The following MRM1 variants were observed in gnomAD, a reference collection of about 807,000 sequenced individuals.
MRM1 encodes the protein rRNA methyltransferase 1, mitochondrial.
MRM1 carries 24 observed loss-of-function variants against 25.0 expected under a neutral mutation model. That is an observed-to-expected ratio of 0.96 (90% CI 0.69 to 1.35). MRM1 has a LOEUF of 1.35. Among genes scored for constraint, MRM1 ranks in the 40% most tolerant of loss-of-function variants. MRM1 has a pLI of 0.00. For synonymous variants in MRM1, 188 were observed against 199.2 expected, an observed-to-expected ratio of 0.94 and a Z score of 0.47; for missense variants, 431 against 464.1, an observed-to-expected ratio of 0.93 and a Z score of 0.65.
chr17:36,617,415 C>T, the MRM1 span, among the ~76,000 whole-genome samples: 2 of 137,682 alleles, frequency 1.5e-5, no homozygotes, highest in South Asian at 2.3e-4. Context: ...TTTTTTGAGA[C>T]GGAATCTCGC....
downstream of MRM1, among the ~76,000 whole-genome samples, chr17:36,609,126 A>G (rs2074958319): frequency 6.6e-6 from 1 of 152,174 alleles, no homozygotes; most frequent in Non-Finnish European, 1.5e-5. Context: ...GGGGCCCCCC[A>G]CGGGTGACTG....
At chr17:36,621,753 G>A in the MRM1 span, among the ~76,000 whole-genome samples, 8 of 152,318 alleles carry the variant, frequency 5.3e-5, no homozygotes, top group African/African-American at 1.9e-4. Flanking sequence ...TTGGCAGGTG[G>A]CATGGAGGGC....
At position 36,608,675 on chromosome 17, in the gene MRM1, C is replaced by A; in HGVS notation, c.*260C>A. The A allele has an allele frequency of 2.6e-6, 1 of 391,984 alleles. No individual in the cohort carries two copies. The highest frequency in any genetic ancestry group is 4.5e-6 in the Non-Finnish European group (1 of 222,000). The allele number at this position is 391,984 out of a possible 1,614,324, so 24.3% of individuals were successfully genotyped here. A position where few individuals can be genotyped will look rare whatever the true frequency, so the allele number is the denominator to read the frequency against. On this transcript the variant is annotated 3_prime_UTR_variant, in exon 5 of 5. Transcript: ENST00000614766. The stretch of plus-strand genomic sequence containing the variant: ...TGGCCTAGCATGGAGGGAATCTGTT[C>A]CCAGGCCCTGCCTGGAAGTTGAGGG...
At chr17:36,631,565 T>C in the MRM1 span, among the ~76,000 whole-genome samples, 1 of 152,180 alleles carries the variant, frequency 6.6e-6, no homozygotes, top group Non-Finnish European at 1.5e-5. Context: ...TTGAATGAGA[T>C]CACACACACA....
At position 36,608,338 on chromosome 17, in the gene MRM1, AG is replaced by A. The variant is rs755972269; in HGVS notation, c.987del (p.Arg329SerfsTer64). 1 of 1,611,320 alleles carries A rather than the reference AG, an allele frequency of 6.2e-7. No homozygotes were observed. Among genetic ancestry groups the A allele is most frequent in the South Asian group, 1.1e-5 (1 of 90,782 alleles). On this transcript the variant is annotated frameshift_variant, in exon 5 of 5. Coordinates refer to ENST00000614766, the MANE Select transcript of MRM1 (RefSeq NM_024864.5). LOFTEE classifies it low-confidence loss of function (END_TRUNC). ...CCAAGACCCCCAAGAACCCTCAGCCAGGTCTGAAGGGCTCAGCATGGCTCAG... is the reference window on the plus strand; with the variant it reads ...CCAAGACCCCCAAGAACCCTCAGCCAGTCTGAAGGGCTCAGCATGGCTCAG... ...LLQDPQEPSA[R>X]SEGLSMAQHP...
the MRM1 span, among the ~76,000 whole-genome samples, chr17:36,628,927 G>A: frequency 1.3e-5 from 2 of 152,110 alleles, no homozygotes; most frequent in Non-Finnish European, 2.9e-5. Context: ...GATGGAGAGA[G>A]AGAGAGAGGA....
intron 2 of MRM1, among the ~76,000 whole-genome samples, chr17:36,604,843 A>G (rs905705024): frequency 6.7e-6 from 1 of 150,148 alleles, no homozygotes; most frequent in African/African-American, 2.5e-5. Context: ...AGCGGTTGTT[A>G]AGAGATGGGG....
At chr17:36,607,599 A>C in intron 2 of MRM1, 71 bp from the exon 3 acceptor site, 1 of 1,518,242 alleles carries the variant, frequency 6.6e-7, no homozygotes, top group African/African-American at 1.4e-5. Context: ...CTCCAGCCTG[A>C]GCGAGAGTAA....
At position 36,602,585 on chromosome 17, in the gene MRM1, G is replaced by A. The variant is rs1173605283; in HGVS notation, c.575G>A (p.Ser192Asn). Residue 192 changes from serine (S) to asparagine (N), a missense_variant, in exon 2 of 5, where the codon AGC (serine) becomes AAC (asparagine). Coordinates refer to ENST00000614766, the MANE Select transcript of MRM1 (RefSeq NM_024864.5). The surrounding 1 kb of genome is among the most constrained non-coding windows in gnomAD (Gnocchi z 4.1). ...CTCACTCCAGTAGTCAGCAAGTCCA[G>A]CGCGGGGGCTATGGAGGTGATGGAC... Reference protein sequence around the residue: ...CPLTPVVSKSSAGAMEVMDVF... With the variant: ...CPLTPVVSKSNAGAMEVMDVF... 27 of 1,614,204 alleles carry A rather than the reference G, an allele frequency of 1.7e-5. No homozygotes were observed. Among genetic ancestry groups the A allele is most frequent in the Non-Finnish European group, 2.3e-5 (27 of 1,180,034 alleles).
the MRM1 span, among the ~76,000 whole-genome samples, chr17:36,627,674 G>GTTTTTTT: frequency 1.4e-4 from 12 of 83,716 alleles, 1 homozygote; most frequent in African/African-American, 2.5e-4. Context: ...TTTGGACACT[G>GTTTTTTT]TTTTTTTTTT....
chr17:36,628,617 A>T, the MRM1 span, among the ~76,000 whole-genome samples: 1,969 of 152,232 alleles, frequency 0.013, 45 homozygotes, highest in African/African-American at 0.045. Context: ...GGTGCTGCAG[A>T]AGCGGACCCC....
the MRM1 span, among the ~76,000 whole-genome samples, chr17:36,633,278 A>G: frequency 1.3e-5 from 2 of 152,136 alleles, no homozygotes; most frequent in Non-Finnish European, 2.9e-5. Flanking sequence ...TGTTGGAGGA[A>G]GACTGGAGGG....
chr17:36,607,631 TA>T (rs763310890), intron 2 of MRM1, 38 bp from the exon 3 acceptor site: 11 of 1,578,460 alleles, frequency 7.0e-6, no homozygotes, highest in South Asian at 1.1e-5. Context: ...AAAATTAAAA[TA>T]AAAAAAGAAT....
At chr17:36,603,141 C>T (rs1212525268) in intron 2 of MRM1, 1 of 985,160 alleles carries the variant, frequency 1.0e-6, no homozygotes, top group Non-Finnish European at 1.2e-6. Context: ...CAGTATTGCT[C>T]TGCATATGGA....
chr17:36,616,043 G>A, the MRM1 span, among the ~76,000 whole-genome samples: 1 of 152,012 alleles, frequency 6.6e-6, no homozygotes, highest in Non-Finnish European at 1.5e-5. Context: ...CTTGCAGGCC[G>A]CCTGCTCCCT....
the MRM1 span, among the ~76,000 whole-genome samples, chr17:36,627,214 CT>C: frequency 1.3e-5 from 2 of 152,274 alleles, no homozygotes; most frequent in East Asian, 3.9e-4. Flanking sequence ...CCTTCAGCCC[CT>C]TTTGGGGGAA....
chr17:36,602,533 G>A lies in MRM1; in HGVS notation c.543-20G>A, dbSNP rs1382620460. ...CTTGAGATGGCCCAGCCTAATGCGG[G>A]GAACGGGGAAACCTTGCAGCTGCCC... On this transcript the variant is annotated intron_variant, in intron 1 of 4. Coordinates refer to ENST00000614766, the MANE Select transcript of MRM1 (RefSeq NM_024864.5). The surrounding 1 kb of genome is among the most constrained non-coding windows in gnomAD (Gnocchi z 4.1). The A allele has an allele frequency of 6.2e-7, 1 of 1,614,180 alleles. No homozygotes were observed. Among genetic ancestry groups the A allele is most frequent in the South Asian group, 1.1e-5 (1 of 91,082 alleles).
chr17:36,615,971 C>T, the MRM1 span, among the ~76,000 whole-genome samples: 639 of 151,808 alleles, frequency 4.2e-3, 4 homozygotes, highest in African/African-American at 0.015. Flanking sequence ...CCAGCCTGGG[C>T]GACAGAGTGA....
the MRM1 span, among the ~76,000 whole-genome samples, chr17:36,630,297 C>A: frequency 1.3e-5 from 2 of 152,168 alleles, no homozygotes; most frequent in Non-Finnish European, 2.9e-5. Flanking sequence ...CCAAAAGGGG[C>A]CTCCAAACCT....
Sources: allele counts gnomAD v4.1 joint callset (sites outside exome capture counted in the v4.1 genomes callset), GRCh38; gene constraint gnomAD v4.1.1; non-coding constraint Gnocchi (gnomAD v3.1); transcripts MANE v1.5; gene names NCBI Gene and HGNC (gene_info 2026-07-23, HGNC 2026-07-21).